The following ZNF764 variants were observed in gnomAD, a reference collection of about 807,000 sequenced individuals.
ZNF764 encodes zinc finger protein 764.
ZNF764 carries 10 observed loss-of-function variants against 13.9 expected under a neutral mutation model. The observed-to-expected ratio is 0.72, with a 90% CI of 0.44 to 1.22. The LOEUF (loss-of-function observed/expected upper bound fraction) is 1.22, where lower values mean the gene tolerates loss of function less well. Ranked by LOEUF, ZNF764 falls within the 50% of genes most tolerant of loss-of-function variation. The pLI is 0.00. For missense variants in ZNF764, 647 were observed against 589.7 expected, an observed-to-expected ratio of 1.10 and a Z score of -1.01; for synonymous variants, 313 against 255.1, an observed-to-expected ratio of 1.23 and a Z score of -2.16.
In ZNF764 at chr16:30,555,503, C is replaced by T; in HGVS notation, c.915G>A (p.Val305=). ...AGGGCTTCTCGCCGGTGTGGGTGCG[C>T]ACGTGGCGCCGCAGGTCCGAGGGGT... ...FAYPSDLRRH[V]RTHTGEKPYP... is the part of the protein sequence containing the mutation. The change falls in exon 3 of 3, where the codon GTG becomes GTA. Residue 305 remains valine, a synonymous_variant. Coordinates refer to ENST00000395091, the MANE Select transcript of ZNF764 (RefSeq NM_001172679.2). 6.5e-7 allele frequency: 1 copy of T among 1,539,914 alleles called. No homozygotes were observed. Among genetic ancestry groups the T allele is most frequent in the Non-Finnish European group, 8.7e-7 (1 of 1,148,494 alleles).
rs2151224846 is a variant in ZNF764, at chr16:30,555,266, G to A, written c.1152C>T (p.Thr384=). The change falls in exon 3 of 3, where the codon ACC becomes ACT. Residue 384 remains threonine (T), a synonymous_variant. Coordinates refer to ENST00000395091, the MANE Select transcript of ZNF764 (RefSeq NM_001172679.2). ...RVAGRLSVTL[T]PGHGDLDPPV... Reference sequence around the variant, plus strand: ...GCGGGTCCAGGTCTCCGTGGCCAGGGGTCAGGGTCACAGACAGACGCCCGG... The same window carrying A: ...GCGGGTCCAGGTCTCCGTGGCCAGGAGTCAGGGTCACAGACAGACGCCCGG... The A allele has an allele frequency of 1.2e-6, 2 of 1,612,974 alleles. No homozygotes were observed. The highest frequency in any genetic ancestry group is 1.7e-6 in the Non-Finnish European group (2 of 1,179,588).
At chr16:30,556,493 A>AG (rs569881208) in intron 2 of ZNF764, among the ~76,000 whole-genome samples, 2,121 of 152,124 alleles carry the variant, frequency 0.014, 25 homozygotes, top group Non-Finnish European at 0.022. Flanking sequence ...AAAGAAAAAA[A>AG]GGGGGGCGGA....
At position 30,555,515 on chromosome 16, in the gene ZNF764, CAGGTCCG is replaced by C. The variant is rs1006009604; in HGVS notation, c.896_902del (p.Ser299CysfsTer81). ...CGGTGTGGGTGCGCACGTGGCGCCG[CAGGTCCG>C]AGGGGTAGGCGAAGGCGCGGCCACA... On this transcript the variant is annotated frameshift_variant, in exon 3 of 3. Transcript: ENST00000395091. LOFTEE classifies it low-confidence loss of function (END_TRUNC). 5.2e-6 allele frequency: 8 copies of C among 1,537,256 alleles called. No homozygotes were observed. Among genetic ancestry groups the C allele is most frequent in the Non-Finnish European group, 7.0e-6 (8 of 1,147,602 alleles).
At position 30,555,391 on chromosome 16, in the gene ZNF764, G is replaced by A. The variant is rs2051540854; in HGVS notation, c.1027C>T (p.Pro343Ser). 4.5e-6 allele frequency: 7 copies of A among 1,568,482 alleles called. No individual in the cohort carries two copies. The highest frequency in any genetic ancestry group is 6.1e-6 in the Non-Finnish European group (7 of 1,153,166). The change falls in exon 3 of 3, where the codon CCC (proline) becomes TCC (serine). Residue 343 changes from proline (P) to serine (S), a missense_variant. Coordinates refer to ENST00000395091, the MANE Select transcript of ZNF764 (RefSeq NM_001172679.2). ...RRTHSGEKPY[P>S]CPQCGRRFGQ... ...AAGCGGCGGCCGCACTGCGGGCAGG[G>A]GTAGGGCTTCTCGCCGCTGTGGGTG... is the stretch of plus-strand genomic sequence containing the variant.
At position 30,555,992 on chromosome 16, in the gene ZNF764, C is replaced by A. The variant is rs1197425666; in HGVS notation, c.426G>T (p.Gly142=). The stretch of plus-strand genomic sequence containing the variant: ...ACAGCTGCTCCCAACCATAAGGGGG[C>A]CCGGCCGAGGGGGCTTGGGGAGACT... ...GLKSPQAPSA[G]PPYGWEQLSK... Residue 142 remains glycine (G), a synonymous_variant, in exon 3 of 3, where the codon GGG becomes GGT. Transcript: ENST00000395091. The A allele has an allele frequency of 3.1e-6, 5 of 1,612,120 alleles. 1 individual carries two copies. Among genetic ancestry groups the A allele is most frequent in the Non-Finnish European group, 1.7e-6 (2 of 1,179,958 alleles).
At position 30,555,176 on chromosome 16, in the gene ZNF764, T is replaced by C. The variant is rs8059233; in HGVS notation, c.*18A>G. On this transcript the variant is annotated 3_prime_UTR_variant, in exon 3 of 3. Coordinates refer to ENST00000395091, the MANE Select transcript of ZNF764 (RefSeq NM_001172679.2). ...TCTCGGGCCTCCCGTAATGTCTAGA[T>C]AGTCACTTTTAAGGCCGTCACCCAC... 8.3e-4 allele frequency: 1,329 copies of C among 1,592,498 alleles called. 7 individuals are homozygous for C. The African/African-American group carries it at 0.013, about 16-fold the overall frequency.
rs2051550654 is a variant in ZNF764, at chr16:30,555,912, C to T, written c.506G>A (p.Arg169Gln). ...PSLCAHPPVP[R>Q]ADQRHGCYVC... The stretch of plus-strand genomic sequence containing the variant: ...GTAGCAGCCATGACGCTGGTCAGCT[C>T]GGGGGACAGGGGGGTGGGCACAGAG... Residue 169 changes from arginine to glutamine, a missense_variant, in exon 3 of 3, where the codon CGA (arginine) becomes CAA (glutamine). Transcript: ENST00000395091. The T allele has an allele frequency of 1.9e-6, 3 of 1,540,580 alleles. No homozygotes were observed. The highest frequency in any genetic ancestry group is 2.8e-5 in the African/African-American group (2 of 72,172).
In ZNF764 at chr16:30,556,027, G is replaced by A; in HGVS notation, c.391C>T (p.Pro131Ser). The stretch of plus-strand genomic sequence containing the variant: ...GGGGCTTGGGGAGACTTCAGCCCAG[G>A]AGACCCGGCGGCCACAGGGTCGGGC... ...EKPDPVAAGSPGLKSPQAPSA... is the reference protein window; with the variant it reads ...EKPDPVAAGSSGLKSPQAPSA... Residue 131 changes from proline (P) to serine (S), a missense_variant, in exon 3 of 3, where the codon CCT becomes TCT. Physicochemically the swap from Pro to Ser is moderately conservative, Grantham distance 74. Coordinates refer to ENST00000395091, the MANE Select transcript of ZNF764 (RefSeq NM_001172679.2). 1.9e-6 allele frequency: 3 copies of A among 1,612,848 alleles called. No individual in the cohort carries two copies. The highest frequency in any genetic ancestry group is 2.7e-5 in the African/African-American group (2 of 74,998).
At position 30,558,275 on chromosome 16, in the gene ZNF764, C is replaced by G. The variant is rs541530369; in HGVS notation, c.-93G>C. On this transcript the variant is annotated 5_prime_UTR_variant, in exon 1 of 3. Transcript: ENST00000395091. Reference sequence around the variant, plus strand: ...TGCGCCCGAGAAAGCCTCCCCGGCCCGGGCCCAAGGGAAGGAGGGAGGTTA... The same window carrying G: ...TGCGCCCGAGAAAGCCTCCCCGGCCGGGGCCCAAGGGAAGGAGGGAGGTTA... The G allele has an allele frequency of 2.8e-5, 39 of 1,407,348 alleles. 1 individual carries two copies. The South Asian group carries it at 5.3e-4, about 19-fold the overall frequency. 87.2% of individuals were successfully genotyped at this position (1,407,348 alleles called of 1,614,324 possible).
Position 30,558,362 on chromosome 16 carries a change from T to G in ZNF764, c.-180A>C, listed in dbSNP as rs2051577048. 1.4e-6 allele frequency: 1 copy of G among 690,996 alleles called. No individual in the cohort carries two copies. 42.8% of individuals were successfully genotyped at this position (690,996 alleles called of 1,614,324 possible). ...CTAACGGTGCCGATGGCAGCGGGTG[T>G]ATAATCAGAAATGGAATATGCCCTC... On this transcript the variant is annotated 5_prime_UTR_variant, in exon 1 of 3. Transcript: ENST00000395091.
chr16:30,556,112 TGA>T lies in ZNF764; in HGVS notation c.311-7_311-6del, dbSNP rs1469650804. 10 of 1,610,120 alleles carry T rather than the reference TGA, an allele frequency of 6.2e-6. No individual in the cohort carries two copies. The highest frequency in any genetic ancestry group is 8.5e-6 in the Non-Finnish European group (10 of 1,179,964). On this transcript the variant is annotated splice_region_variant and splice_polypyrimidine_tract_variant and intron_variant, in intron 2 of 2. Transcript: ENST00000395091. The stretch of plus-strand genomic sequence containing the variant: ...CCTTTTTCTTGTTTCTGGAATCTGC[TGA>T]GAGATAAAGAGGGGAGAGTTCAGGC...
rs748305347 is a variant in ZNF764 at position 30,555,726 on chromosome 16, C to T, written c.692G>A (p.Arg231His). 6.3e-7 allele frequency: 1 copy of T among 1,594,896 alleles called. No individual in the cohort carries two copies. Among genetic ancestry groups the T allele is most frequent in the South Asian group, 1.1e-5 (1 of 89,286 alleles). Residue 231 changes from arginine to histidine, a missense_variant, in exon 3 of 3, where the codon CGC (arginine) becomes CAC (histidine). Physicochemically the swap from Arg to His is conservative, Grantham distance 29 (BLOSUM62 0). Coordinates refer to ENST00000395091, the MANE Select transcript of ZNF764 (RefSeq NM_001172679.2). ...RAIHRGERPH[R>H]CLECGRAFTQ... ...GAAGGCCCGGCCACACTCCAGACAG[C>T]GGTGGGGCCGCTCCCCACGATGGAT...
rs377039672 is a variant in ZNF764 at position 30,557,861 on chromosome 16, C to G, written c.197-15G>C. ...GCCTCCGATTCCTAGGGAAGAAGAA[C>G]GCAAACCCCACGCTGCGGGGAGGCC... is the stretch of plus-strand genomic sequence containing the variant. On this transcript the variant is annotated splice_polypyrimidine_tract_variant and intron_variant, in intron 1 of 2. Coordinates refer to ENST00000395091, the MANE Select transcript of ZNF764 (RefSeq NM_001172679.2). 7.5e-6 allele frequency: 12 copies of G among 1,593,878 alleles called. No homozygotes were observed. Among genetic ancestry groups the G allele is most frequent in the South Asian group, 2.3e-5 (2 of 88,648 alleles).
At chr16:30,557,529 G>A (rs1020783481) in intron 2 of ZNF764, among the ~76,000 whole-genome samples, 1 of 152,202 alleles carries the variant, frequency 6.6e-6, no homozygotes, top group Admixed American at 6.5e-5. Context: ...AGGACTCAGA[G>A]GCGGGTATGG....
chr16:30,557,895 G>A (rs369475518), intron 1 of ZNF764, 49 bp from the exon 2 acceptor site: 3 of 1,571,404 alleles, frequency 1.9e-6, no homozygotes, highest in African/African-American at 2.7e-5. Context: ...CCACCTGCCC[G>A]GCCCCGGGGC....
chr16:30,556,129 A>C, intron 2 of ZNF764, 22 bp from the exon 3 acceptor site: 1 of 1,608,502 alleles, frequency 6.2e-7, no homozygotes, highest in Non-Finnish European at 8.5e-7. Context: ...TAAAGAGGGG[A>C]GAGTTCAGGC....
intron 2 of ZNF764, 99 bp downstream of exon 2, chr16:30,557,634 G>A (rs2051567618): frequency 6.7e-7 from 1 of 1,502,264 alleles, no homozygotes. Context: ...AGGCAGTTCA[G>A]AGAGGAAACT....
Position 30,558,283 on chromosome 16 carries a change from AG to A in ZNF764, c.-102del. 3.7e-6 allele frequency: 5 copies of A among 1,368,424 alleles called. No individual in the cohort carries two copies. Among genetic ancestry groups the A allele is most frequent in the Non-Finnish European group, 4.8e-6 (5 of 1,037,690 alleles). The allele number at this position is 1,368,424 out of a possible 1,614,324, so 84.8% of individuals were successfully genotyped here. On this transcript the variant is annotated 5_prime_UTR_variant, in exon 1 of 3. Transcript: ENST00000395091. Reference sequence around the variant, plus strand: ...AGAAAGCCTCCCCGGCCCGGGCCCAAGGGAAGGAGGGAGGTTACTAGGGCCC... The same window carrying A: ...AGAAAGCCTCCCCGGCCCGGGCCCAAGGAAGGAGGGAGGTTACTAGGGCCC...
chr16:30,555,110 C>CAGGGA lies in ZNF764; in HGVS notation c.*83_*84insTCCCT. 4 of 1,478,274 alleles carry CAGGGA rather than the reference C, an allele frequency of 2.7e-6. No individual in the cohort carries two copies. Among genetic ancestry groups the CAGGGA allele is most frequent in the Non-Finnish European group, 3.6e-6 (4 of 1,102,714 alleles). 91.6% of individuals were successfully genotyped at this position (1,478,274 alleles called of 1,614,324 possible). A position where few individuals can be genotyped will look rare whatever the true frequency, so the allele number is the denominator to read the frequency against. On this transcript the variant is annotated 3_prime_UTR_variant, in exon 3 of 3. Coordinates refer to ENST00000395091, the MANE Select transcript of ZNF764 (RefSeq NM_001172679.2). ...CAGCTCTTGCCCTAGATTCTGGGACCTCCCTGCAGGCCGCCGCAGAGGTTC... is the reference window on the plus strand; with the variant it reads ...CAGCTCTTGCCCTAGATTCTGGGACCAGGGATCCCTGCAGGCCGCCGCAGAGGTTC...
Sources: gnomAD v4.1 joint callset for allele counts (sites outside exome capture counted in the v4.1 genomes callset) on GRCh38, gnomAD v4.1.1 for gene constraint, MANE v1.5 for transcripts, NCBI Gene and HGNC (gene_info 2026-07-23, HGNC 2026-07-21) for gene names.